Variants in LRRN2 observed in about 807,000 individuals in gnomAD.
The protein encoded by LRRN2 is leucine rich repeat neuronal 2.
A neutral mutation model predicts 35.7 loss-of-function variants in LRRN2; 10 were observed. The ratio of observed to expected loss-of-function variants is 0.28; its 90% CI spans 0.17 to 0.47. The LOEUF is 0.47. Ranked by LOEUF, LRRN2 falls within the 20% of genes least tolerant of loss-of-function variation. The pLI is 0.99. For missense variants in LRRN2, 731 were observed against 940.3 expected (o/e 0.78, Z 2.91); for synonymous variants, 391 against 409.6 (o/e 0.95, Z 0.55).
intron 1 of LRRN2, among the ~76,000 whole-genome samples, chr1:204,622,378 G>A (rs189227690): frequency 5.3e-5 from 8 of 152,310 alleles, no homozygotes; most frequent in Middle Eastern, 3.4e-3. Flanking sequence ...GCAGGGTCCC[G>A]TTCCCTGAGC....
chr1:204,629,298 CT>C (rs1465846551), intron 1 of LRRN2: 4 of 152,312 alleles, frequency 2.6e-5, no homozygotes, highest in African/African-American at 9.7e-5. Context: ...TGCTGCACCC[CT>C]ATGTGGTCTT....
intron 1 of LRRN2, among the ~76,000 whole-genome samples, chr1:204,647,386 ACT>A (rs1668129914): frequency 6.6e-6 from 1 of 152,196 alleles, no homozygotes; most frequent in South Asian, 2.1e-4. Context: ...ATCAAAAGCC[ACT>A]CTGACATTTC....
At chr1:204,669,244 A>G (rs1475565151) in intron 1 of LRRN2, among the ~76,000 whole-genome samples, 1 of 152,246 alleles carries the variant, frequency 6.6e-6, no homozygotes, top group Non-Finnish European at 1.5e-5. Context: ...TTGGGGAAAG[A>G]CAGGGAAGGG....
intron 1 of LRRN2, among the ~76,000 whole-genome samples, chr1:204,667,734 T>A (rs1267737474): frequency 1.3e-5 from 2 of 151,898 alleles, no homozygotes; most frequent in Non-Finnish European, 2.9e-5. Context: ...CTGGTAAGAG[T>A]CAGCCAGGAG....
At chr1:204,627,072 G>A (rs1303061248) in intron 1 of LRRN2, 1 of 152,124 alleles carries the variant, frequency 6.6e-6, no homozygotes, top group Non-Finnish European at 1.5e-5. Context: ...GATGCTAACA[G>A]AAAGCAAAGT....
Position 204,618,312 on chromosome 1 carries a change from C to A in LRRN2, c.1681G>T (p.Ala561Ser). ...TVSTNLTWSS[A>S]SSLRGQGATA... ...GCCCCCTGGCCCCGGAGGGAGGAGG[C>A]ACTGGACCAGGTGAGGTTGGTGGAC... Residue 561 changes from alanine to serine, a missense_variant, in exon 2 of 2, where the codon GCC (alanine) becomes TCC (serine). This residue lies in a region of LRRN2 where 229 missense variants were observed against 258.4 expected (regional missense o/e 0.89). Transcript: ENST00000367177. 1 of 1,595,560 alleles carries A rather than the reference C, an allele frequency of 6.3e-7. No individual in the cohort carries two copies. The highest frequency in any genetic ancestry group is 1.3e-5 in the African/African-American group (1 of 74,856).
intron 1 of LRRN2, among the ~76,000 whole-genome samples, chr1:204,638,899 C>T (rs1299963275): frequency 6.6e-6 from 1 of 152,220 alleles, no homozygotes; most frequent in Admixed American, 6.5e-5. Flanking sequence ...CACCCCCAGG[C>T]TCCTGCTCCC....
chr1:204,678,932 A>G (rs1001962449), intron 1 of LRRN2, among the ~76,000 whole-genome samples: 3 of 152,212 alleles, frequency 2.0e-5, no homozygotes, highest in Non-Finnish European at 4.4e-5. Flanking sequence ...CCTGAAGGGC[A>G]GAGGTCTGTC....
intron 1 of LRRN2, among the ~76,000 whole-genome samples, chr1:204,626,223 G>A (rs553190433): frequency 1.2e-4 from 18 of 151,934 alleles, no homozygotes; most frequent in Non-Finnish European, 1.6e-4. Flanking sequence ...CAGCACCACC[G>A]TCCACCAAAG....
chr1:204,645,754 C>T (rs532110411), intron 1 of LRRN2, among the ~76,000 whole-genome samples: 98 of 152,218 alleles, frequency 6.4e-4, no homozygotes, highest in Middle Eastern at 3.4e-3. Context: ...AAAGCAAGAA[C>T]CTTCTTCACA....
chr1:204,637,796 G>A (rs998919832), intron 1 of LRRN2, among the ~76,000 whole-genome samples: 6 of 152,100 alleles, frequency 3.9e-5, no homozygotes, highest in African/African-American at 1.4e-4. Context: ...CTCACCCTGT[G>A]GGGGAGTGCC....
intron 1 of LRRN2, among the ~76,000 whole-genome samples, chr1:204,644,547 T>C (rs2102604076): frequency 6.6e-6 from 1 of 152,292 alleles, no homozygotes; most frequent in Non-Finnish European, 1.5e-5. Context: ...GTCTTTCCAT[T>C]CTCTTATTAG....
intron 1 of LRRN2, among the ~76,000 whole-genome samples, chr1:204,678,592 C>A (rs1258483877): frequency 2.0e-5 from 3 of 152,142 alleles, no homozygotes; most frequent in African/African-American, 7.2e-5. Context: ...TTATCTCCTG[C>A]AACTCTCTGC....
intron 1 of LRRN2, among the ~76,000 whole-genome samples, chr1:204,681,132 T>C (rs888831148): frequency 1.3e-5 from 2 of 152,108 alleles, no homozygotes; most frequent in South Asian, 2.1e-4. Flanking sequence ...AATCTTTGTA[T>C]TTTTAGCAGA....
chr1:204,679,005 G>A (rs1261450192), intron 1 of LRRN2, among the ~76,000 whole-genome samples: 3 of 152,124 alleles, frequency 2.0e-5, no homozygotes, highest in Non-Finnish European at 2.9e-5. Context: ...CTTGCTGAAC[G>A]AAGAGACTCC....
intron 1 of LRRN2, among the ~76,000 whole-genome samples, chr1:204,644,365 T>C (rs1668053336): frequency 6.6e-6 from 1 of 152,062 alleles, no homozygotes; most frequent in Admixed American, 6.5e-5. Context: ...GGAGGTCACT[T>C]TCTCTCCTTT....
At chr1:204,634,671 G>T (rs1385828006) in intron 1 of LRRN2, among the ~76,000 whole-genome samples, 1 of 152,206 alleles carries the variant, frequency 6.6e-6, no homozygotes, top group East Asian at 1.9e-4. Context: ...AAAGCAGGAA[G>T]AGGCAAGAAA....
intron 1 of LRRN2, among the ~76,000 whole-genome samples, chr1:204,643,284 T>C (rs1021793034): frequency 2.6e-5 from 4 of 152,222 alleles, no homozygotes; most frequent in Non-Finnish European, 4.4e-5. Flanking sequence ...AAGTCCTCAG[T>C]TGGACTGCAG....
intron 1 of LRRN2, among the ~76,000 whole-genome samples, chr1:204,676,265 C>T (rs1668822391): frequency 1.3e-5 from 2 of 152,062 alleles, no homozygotes; most frequent in Non-Finnish European, 2.9e-5. Context: ...ACACTTTGAC[C>T]TTCAACACTG....
Sources: allele counts gnomAD v4.1 joint callset (sites outside exome capture counted in the v4.1 genomes callset), GRCh38; gene constraint gnomAD v4.1.1; regional missense constraint gnomAD v4.1.1; transcripts MANE v1.5; gene names NCBI Gene and HGNC (gene_info 2026-07-23, HGNC 2026-07-21).